The following TEX9 variants were observed in gnomAD, a reference collection of about 807,000 sequenced individuals.
TEX9 encodes testis expressed 9, also known as testis-expressed protein 9.
TEX9 carries 74 observed loss-of-function variants against 59.6 expected under a neutral mutation model. The ratio of observed to expected loss-of-function variants is 1.24; its 90% confidence interval spans 1.03 to 1.51. TEX9 has a LOEUF of 1.51. TEX9 is among the 40% of genes most tolerant of loss of function. The pLI is 0.00. For missense variants in TEX9, 522 were observed against 447.8 expected (o/e 1.17, Z -1.49); for synonymous variants, 186 against 152.2 (o/e 1.22, Z -1.64).
intron 12 of TEX9, chr15:56,443,324 T>C (rs1240949357): frequency 1.0e-5 from 8 of 784,844 alleles, no homozygotes; most frequent in African/African-American, 8.9e-5. Context: ...TTACATATAA[T>C]GTAATTACCA....
chr15:56,413,592 T>C (rs897483896), intron 10 of TEX9, among the ~76,000 whole-genome samples: 15 of 151,554 alleles, frequency 9.9e-5, no homozygotes, highest in African/African-American at 3.4e-4. Context: ...CATTGTACTT[T>C]CTGTCTCTAT....
intron 12 of TEX9, chr15:56,429,621 A>G (rs1416253960): frequency 6.5e-6 from 1 of 152,924 alleles, no homozygotes; most frequent in Non-Finnish European, 1.5e-5. Flanking sequence ...CAAACAGTCA[A>G]TCTTGCAGAA....
At position 56,273,586 on chromosome 15, in the gene TEX9, G is replaced by A. The variant is rs187368778; in HGVS notation, c.-107+29308G>A. On this transcript the variant is annotated intron_variant, in intron 1 of 5. Transcript: ENST00000560827. ...TCTTTTATCTTTGTCATTTCTTTGTGTAGATTTAAATTTCTGTCTAGCTCT... is the reference window on the plus strand; with the variant it reads ...TCTTTTATCTTTGTCATTTCTTTGTATAGATTTAAATTTCTGTCTAGCTCT... 2.9e-3 allele frequency among the ~76,000 whole-genome samples: 445 copies of A among 152,250 alleles called. 4 individuals carry two copies. Among genetic ancestry groups the A allele is most frequent in the African/African-American group, 0.01 (420 of 41,552 alleles).
chr15:56,406,071 C>T (rs554230614), intron 9 of TEX9, among the ~76,000 whole-genome samples: 38 of 152,172 alleles, frequency 2.5e-4, no homozygotes, highest in African/African-American at 8.4e-4. Flanking sequence ...ATTTATATTA[C>T]CCTTCCAGAA....
chr15:56,402,939 A>C (rs2048871554), intron 9 of TEX9, among the ~76,000 whole-genome samples: 1 of 152,198 alleles, frequency 6.6e-6, no homozygotes, highest in Non-Finnish European at 1.5e-5. Context: ...CAACAGCCTT[A>C]CATGCTAAAA....
At chr15:56,284,767 T>A (rs1019489473) in intron 1 of TEX9, among the ~76,000 whole-genome samples, 11 of 152,164 alleles carry the variant, frequency 7.2e-5, no homozygotes, top group Non-Finnish European at 1.5e-4. Flanking sequence ...CCATCCTCAC[T>A]GCCATTGGCT....
At chr15:56,432,381 C>T (rs1185148898) in intron 12 of TEX9, among the ~76,000 whole-genome samples, 2 of 152,062 alleles carry the variant, frequency 1.3e-5, no homozygotes, top group South Asian at 2.1e-4. Flanking sequence ...TTTTGTCTGA[C>T]CGTATGATTT....
At chr15:56,427,708 T>C (rs777936889) in exon 11 of TEX9, 1 of 1,499,780 alleles carries the variant, frequency 6.7e-7, no homozygotes, top group Non-Finnish European at 8.9e-7. Flanking sequence ...AAGAAACAGT[T>C]AAAATTAATT....
intron 3 of TEX9, among the ~76,000 whole-genome samples, chr15:56,380,133 C>T (rs1007525448): frequency 1.3e-5 from 2 of 151,938 alleles, no homozygotes; most frequent in Non-Finnish European, 2.9e-5. Context: ...GTGATTTTCT[C>T]TTGTGGTATA....
At chr15:56,420,408 A>G (rs943194635) in intron 10 of TEX9, among the ~76,000 whole-genome samples, 2 of 151,400 alleles carry the variant, frequency 1.3e-5, no homozygotes, top group African/African-American at 2.4e-5. Context: ...CCCAGGTTCA[A>G]GCGGTTCTCC....
chr15:56,424,983 T>C (rs377745985), intron 10 of TEX9, among the ~76,000 whole-genome samples: 1 of 152,184 alleles, frequency 6.6e-6, no homozygotes, highest in African/African-American at 2.4e-5. Context: ...TGTCTTAATT[T>C]CTTTTTCATT....
intron 10 of TEX9, among the ~76,000 whole-genome samples, chr15:56,413,163 T>C (rs905410058): frequency 2.3e-5 from 2 of 85,550 alleles, no homozygotes; most frequent in African/African-American, 6.7e-5. Context: ...TATTACCTAT[T>C]TAATAATTTT....
At chr15:56,402,668 G>A (rs2048855571) in intron 9 of TEX9, among the ~76,000 whole-genome samples, 1 of 152,144 alleles carries the variant, frequency 6.6e-6, no homozygotes, top group Admixed American at 6.5e-5. Context: ...ACCAAAGCCT[G>A]GCAGAAACAC....
intron 1 of TEX9, among the ~76,000 whole-genome samples, chr15:56,340,388 C>T (rs2046349555): frequency 6.6e-6 from 1 of 152,160 alleles, no homozygotes; most frequent in Non-Finnish European, 1.5e-5. Flanking sequence ...GATAATACAT[C>T]ATTGGTTGTC....
chr15:56,359,636 C>T (rs76544205), intron 1 of TEX9, among the ~76,000 whole-genome samples: 3,997 of 151,992 alleles, frequency 0.026, 173 homozygotes, highest in African/African-American at 0.09. Flanking sequence ...AGTTTTATTT[C>T]TTCTTTTGGA....
At chr15:56,257,709 G>A (rs1161169983) in intron 1 of TEX9, among the ~76,000 whole-genome samples, 1 of 152,040 alleles carries the variant, frequency 6.6e-6, no homozygotes, top group Admixed American at 6.6e-5. Context: ...TAGATGCATA[G>A]AATGCAAAAT....
At chr15:56,426,637 AAACAC>A (rs2050290620) in intron 10 of TEX9, among the ~76,000 whole-genome samples, 9 of 94,538 alleles carry the variant, frequency 9.5e-5, no homozygotes, top group Admixed American at 6.9e-4. Context: ...ACACACACAC[AAACAC>A]ACACACACAC....
At chr15:56,268,029 A>T (rs1198700566) in intron 1 of TEX9, among the ~76,000 whole-genome samples, 1 of 152,130 alleles carries the variant, frequency 6.6e-6, no homozygotes, top group African/African-American at 2.4e-5. Flanking sequence ...CTCCTTGAAG[A>T]GGTCCTTCAC....
chr15:56,245,447 A>G (rs538057346), intron 1 of TEX9, among the ~76,000 whole-genome samples: 114 of 152,292 alleles, frequency 7.5e-4, no homozygotes, highest in Admixed American at 1.3e-3. Flanking sequence ...CCATACTCTA[A>G]GGTCTCTATT....
Sources: allele counts gnomAD v4.1 joint callset (sites outside exome capture counted in the v4.1 genomes callset), GRCh38; gene constraint gnomAD v4.1.1; transcripts MANE v1.5; gene names NCBI Gene and HGNC (gene_info 2026-07-23, HGNC 2026-07-21).